Variants in HNRNPK observed in about 807,000 individuals in gnomAD.
The protein encoded by HNRNPK is heterogeneous nuclear ribonucleoprotein K, also known as dC-stretch binding protein.
Under a neutral mutation model 67.0 loss-of-function variants are expected in HNRNPK, and 7 were observed. The observed-to-expected ratio is 0.10, with a 90% CI of 0.06 to 0.20. The LOEUF is 0.20. Among genes scored for constraint, HNRNPK ranks in the 10% least tolerant of loss-of-function variants. The pLI, the probability that HNRNPK is intolerant of heterozygous loss-of-function variation, is 1.00. For missense variants in HNRNPK, 264 were observed against 606.5 expected, an observed-to-expected ratio of 0.44 and a Z score of 5.93; for synonymous variants, 213 against 193.7, an observed-to-expected ratio of 1.10 and a Z score of -0.83.
Position 83,970,144 on chromosome 9 carries a change from A to G in HNRNPK, c.1361+18T>C, listed in dbSNP as rs1249084804. The G allele has an allele frequency of 1.3e-6, 2 of 1,594,458 alleles. No individual in the cohort carries two copies. The highest frequency in any genetic ancestry group is 1.7e-4 in the Middle Eastern group (1 of 6,002). On this transcript the variant is annotated intron_variant, in intron 16 of 16. Coordinates refer to ENST00000376263, the MANE Select transcript of HNRNPK (RefSeq NM_031263.4). Reference sequence around the variant, plus strand: ...TTTTAGTATGTATAAGCTAACACAAAGCTAAACTTAAACTGACCTGTTCTG... The same window carrying G: ...TTTTAGTATGTATAAGCTAACACAAGGCTAAACTTAAACTGACCTGTTCTG...
Position 83,973,394 on chromosome 9 carries a change from T to C in HNRNPK, c.408A>G (p.Gln136=), listed in dbSNP as rs995901305. ...AGTCAAAGTCACTTCCTTTATAGTG[T>C]TGGTACTGTGGAGGGAGAATTATAA... ...ESDAVECLNY[Q]HYKGSDFDCE... Residue 136 remains glutamine, a synonymous_variant, in exon 9 of 17, where the codon CAA becomes CAG. Transcript: ENST00000376263. 14 of 1,572,826 alleles carry C rather than the reference T, an allele frequency of 8.9e-6. No individual in the cohort carries two copies. The African/African-American group carries it at 9.4e-5, about 11-fold the overall frequency.
chr9:83,978,626 G>A (rs1316470112), intron 1 of HNRNPK, among the ~76,000 whole-genome samples, 174 bp from the exon 2 acceptor site: 1 of 152,142 alleles, frequency 6.6e-6, no homozygotes, highest in Non-Finnish European at 1.5e-5. Context: ...CAAAATTCAA[G>A]GGAGCCTGGT....
chr9:83,978,715 G>A (rs1460760622), intron 1 of HNRNPK, among the ~76,000 whole-genome samples: 1 of 152,156 alleles, frequency 6.6e-6, no homozygotes, highest in Non-Finnish European at 1.5e-5. Context: ...GTTTTATACG[G>A]CACATTCCCA....
chr9:83,979,466 C>A (rs1435652762), intron 1 of HNRNPK, among the ~76,000 whole-genome samples: 1 of 152,216 alleles, frequency 6.6e-6, no homozygotes, highest in Non-Finnish European at 1.5e-5. Context: ...CCCCAGGCCT[C>A]AAAAATCCGC....
rs534067843 is a variant in HNRNPK, at chr9:83,969,860, A to G, written c.1361+302T>C. 9 of 611,074 alleles carry G rather than the reference A, an allele frequency of 1.5e-5. 1 individual carries two copies. Among genetic ancestry groups the G allele is most frequent in the South Asian group, 1.3e-4 (9 of 68,894 alleles). The allele number at this position is 611,074 out of a possible 1,614,324, so 37.9% of individuals were successfully genotyped here. A position where few individuals can be genotyped will look rare whatever the true frequency, so the allele number is the denominator to read the frequency against. Reference sequence around the variant, plus strand: ...CACAGAACTAGGCCAACATCCAATGAATCTTCTATATTTTCTACAGGCTCT... The same window carrying G: ...CACAGAACTAGGCCAACATCCAATGGATCTTCTATATTTTCTACAGGCTCT... On this transcript the variant is annotated intron_variant, in intron 16 of 16. Transcript: ENST00000376263.
chr9:83,978,199 T>A lies in HNRNPK; in HGVS notation c.54A>T (p.Glu18Asp). 6.3e-7 allele frequency: 1 copy of A among 1,599,218 alleles called. No individual in the cohort carries two copies. Among genetic ancestry groups the A allele is most frequent in the Non-Finnish European group, 8.6e-7 (1 of 1,167,974 alleles). Residue 18 changes from glutamate to aspartate, a missense_variant, in exon 3 of 17, where the codon GAA becomes GAT. This residue lies in a region of HNRNPK where 32 missense variants were observed against 45.6 expected (regional missense o/e 0.70). Transcript: ENST00000376263. ...ETFPNTETNG[E>D]FGKRPAEDME... ...AAAACTAAAATTTCTTCTCACCAAA[T>A]TCACCATTGGTTTCAGTGTTAGGGA...
At chr9:83,974,963 G>T (rs989202360) in intron 6 of HNRNPK, among the ~76,000 whole-genome samples, 4 of 152,198 alleles carry the variant, frequency 2.6e-5, no homozygotes, top group Non-Finnish European at 5.9e-5. Flanking sequence ...AGGCAAAGTG[G>T]GGGAATATGC....
chr9:83,977,179 G>T, intron 4 of HNRNPK, 128 bp from the exon 5 acceptor site: 441 of 627,982 alleles, frequency 7.0e-4, no homozygotes, highest in East Asian at 1.4e-3. Context: ...ATTTGGGGTT[G>T]TAAAAACGAC....
chr9:83,979,582 G>A (rs944480661), intron 1 of HNRNPK, among the ~76,000 whole-genome samples: 1 of 152,040 alleles, frequency 6.6e-6, no homozygotes, highest in Non-Finnish European at 1.5e-5. Flanking sequence ...AGCGAAAGTC[G>A]ACAGCAGAAG....
rs1285938106 is a variant in HNRNPK, at chr9:83,979,774, TC to T, written c.-108+378del. 4.6e-5 allele frequency among the ~76,000 whole-genome samples: 7 copies of T among 151,248 alleles called. 1 individual carries two copies. The highest frequency in any genetic ancestry group is 4.6e-4 in the Admixed American group (7 of 15,218). On this transcript the variant is annotated intron_variant, in intron 1 of 16. Transcript: ENST00000376263. The stretch of plus-strand genomic sequence containing the variant: ...AAGCCATCGAGGCAGCCCTGACCGT[TC>T]CATCCCCGCCGCTCCAGCTCCGACC...
At position 83,973,895 on chromosome 9, in the gene HNRNPK, G is replaced by A; in HGVS notation, c.402+7C>T. 1 of 1,609,512 alleles carries A rather than the reference G, an allele frequency of 6.2e-7. No homozygotes were observed. Among genetic ancestry groups the A allele is most frequent in the Non-Finnish European group, 8.5e-7 (1 of 1,176,064 alleles). On this transcript the variant is annotated splice_region_variant and intron_variant, in intron 8 of 16. Transcript: ENST00000376263. ...CTTCAGTGGGGTTCAATGGCACTATGACATACATTTAAGCATTCCACAGCA... is the reference window on the plus strand; with the variant it reads ...CTTCAGTGGGGTTCAATGGCACTATAACATACATTTAAGCATTCCACAGCA...
In HNRNPK at chr9:83,972,205, G is replaced by C. The variant is rs750397628; in HGVS notation, c.646-16C>G. 7.7e-6 allele frequency: 12 copies of C among 1,561,122 alleles called. No individual in the cohort carries two copies. The East Asian group carries it at 9.0e-5, about 12-fold the overall frequency. ...TGATGGGAGACTAAAAACAGAGATG[G>C]AACAAACTTACAGACTGAAGAAAAA... On this transcript the variant is annotated splice_polypyrimidine_tract_variant and intron_variant, in intron 10 of 16. Transcript: ENST00000376263.
intron 4 of HNRNPK, 142 bp downstream of exon 4, chr9:83,977,547 G>A (rs1957127108): frequency 1.7e-6 from 1 of 573,402 alleles, no homozygotes; most frequent in Non-Finnish European, 3.0e-6. Context: ...AAAACCACCA[G>A]AGCCTTCAAG....
rs1389999553 is a variant in HNRNPK at position 83,969,121 on chromosome 9, A to G, written c.*286T>C. The G allele has an allele frequency of 2.0e-6, 1 of 510,304 alleles. No individual in the cohort carries two copies. Among genetic ancestry groups the G allele is most frequent in the Non-Finnish European group, 3.5e-6 (1 of 288,760 alleles). 31.6% of individuals were successfully genotyped at this position (510,304 alleles called of 1,614,324 possible). On this transcript the variant is annotated 3_prime_UTR_variant, in exon 17 of 17. Transcript: ENST00000376263. ...TTTAAACCACCAACAATAACGAAAA[A>G]TAAAATCCACTCACTCTGCTGCTGT... is the stretch of plus-strand genomic sequence containing the variant.
At chr9:83,969,984 CTTCA>C in intron 16 of HNRNPK, 174 bp downstream of exon 16, 1 of 648,202 alleles carries the variant, frequency 1.5e-6, no homozygotes, top group Non-Finnish European at 2.8e-6. Context: ...TATTGAATGT[CTTCA>C]TTTTTAGTAA....
intron 4 of HNRNPK, 111 bp downstream of exon 4, chr9:83,977,578 T>C (rs1046328791): frequency 2.7e-5 from 17 of 626,474 alleles, no homozygotes; most frequent in African/African-American, 5.6e-5. Context: ...AAGAACCAAA[T>C]GTTTTATATT....
chr9:83,972,266 A>C (rs919437571), intron 10 of HNRNPK, 77 bp from the exon 11 acceptor site: 3 of 1,073,318 alleles, frequency 2.8e-6, no homozygotes, highest in Admixed American at 2.6e-5. Context: ...TAACATCATC[A>C]TCAAACAAAA....
In HNRNPK at chr9:83,972,016, C is replaced by T. The variant is rs751813868; in HGVS notation, c.819G>A (p.Met273Ile). Residue 273 changes from methionine to isoleucine, a missense_variant, in exon 11 of 17, where the codon ATG becomes ATA. Physicochemically the swap from Met to Ile is conservative, Grantham distance 10. This residue lies in a region of HNRNPK where 142 missense variants were observed against 256.5 expected (regional missense o/e 0.55). Transcript: ENST00000376263. ...CATCATAATCTCTTCTAGATGGAGG[C>T]ATGGGACGCCCACCCCGACCAGGAG... ...RMPPGRGGRPMPPSRRDYDDM... is the reference protein window; with the variant it reads ...RMPPGRGGRPIPPSRRDYDDM... 6.2e-7 allele frequency: 1 copy of T among 1,613,844 alleles called. No individual in the cohort carries two copies. The highest frequency in any genetic ancestry group is 1.7e-5 in the Admixed American group (1 of 59,990).
intron 10 of HNRNPK, 144 bp from the exon 11 acceptor site, chr9:83,972,333 G>A (rs1323979266): frequency 1.8e-5 from 11 of 623,430 alleles, no homozygotes; most frequent in Non-Finnish European, 2.7e-5. Flanking sequence ...TTATGTCAAC[G>A]CTAAAAGTAG....
Sources: allele counts gnomAD v4.1 joint callset (sites outside exome capture counted in the v4.1 genomes callset), GRCh38; gene constraint gnomAD v4.1.1; regional missense constraint gnomAD v4.1.1; transcripts MANE v1.5; gene names NCBI Gene and HGNC (gene_info 2026-07-23, HGNC 2026-07-21).